LRBA: variants seen among roughly 807,000 people sequenced by gnomAD.
LRBA encodes the protein LPS responsive beige-like anchor protein.
LRBA carries 176 observed loss-of-function variants against 330.0 expected under a neutral mutation model. The observed-to-expected ratio is 0.53, with a 90% CI of 0.47 to 0.60. LRBA has a LOEUF of 0.60. Ranked by LOEUF, LRBA falls within the 20% of genes least tolerant of loss-of-function variation. The pLI, the probability that LRBA is intolerant of heterozygous loss-of-function variation, is 0.00. For synonymous variants in LRBA, 1,230 were observed against 1,193.0 expected (o/e 1.03, Z -0.64); for missense variants, 3,259 against 3,444.8 (o/e 0.95, Z 1.35).
intron 40 of LRBA, among the ~76,000 whole-genome samples, chr4:150,515,622 AAATGAAAT>A (rs1762260047): frequency 6.6e-6 from 1 of 152,178 alleles, no homozygotes; most frequent in Non-Finnish European, 1.5e-5. Context: ...AAGTTGTAAT[AAATGAAAT>A]AATAAAATGT....
chr4:150,322,126 C>T (rs1732598278), intron 49 of LRBA, among the ~76,000 whole-genome samples: 1 of 152,126 alleles, frequency 6.6e-6, no homozygotes, highest in South Asian at 2.1e-4. Flanking sequence ...GTTCCTCTTC[C>T]CTGTTGGTTA....
intron 35 of LRBA, among the ~76,000 whole-genome samples, chr4:150,739,567 G>A (rs895805168): frequency 5.9e-5 from 9 of 152,146 alleles, no homozygotes; most frequent in African/African-American, 2.2e-4. Context: ...GTGTAAGAAG[G>A]AGATGGGGCT....
intron 34 of LRBA, among the ~76,000 whole-genome samples, chr4:150,790,313 G>C (rs1261901153): frequency 6.6e-6 from 1 of 152,074 alleles, no homozygotes; most frequent in Non-Finnish European, 1.5e-5. Flanking sequence ...GAATCCATAG[G>C]ACGCCTGTAT....
chr4:150,394,895 C>T (rs11934033), intron 47 of LRBA, among the ~76,000 whole-genome samples: 33,153 of 152,074 alleles, frequency 0.22, 4,436 homozygotes, highest in Non-Finnish European at 0.31. Context: ...TGAATAAACA[C>T]TATTATATGC....
Position 150,559,866 on chromosome 4 carries a change from AATATATAATT to A in LRBA, c.6330+28172_6330+28181del, listed in dbSNP as rs1351512723. 1.6e-3 allele frequency among the ~76,000 whole-genome samples: 121 copies of A among 75,618 alleles called. 1 individual carries two copies. Among genetic ancestry groups the A allele is most frequent in the East Asian group, 4.8e-3 (13 of 2,704 alleles). 49.6% of individuals were successfully genotyped at this position (75,618 alleles called of 152,430 possible). A position where few individuals can be genotyped will look rare whatever the true frequency, so the allele number is the denominator to read the frequency against. On this transcript the variant is annotated intron_variant, in intron 40 of 56. Transcript: ENST00000651943. Reference sequence around the variant, plus strand: ...TATATAATAATATATAATTATATATAATATATAATTATATATAATTATATATAATTATATA... The same window carrying A: ...TATATAATAATATATAATTATATATAATATATAATTATATATAATTATATA...
At chr4:150,306,158 G>T (rs112349412) in intron 52 of LRBA, among the ~76,000 whole-genome samples, 3 of 152,266 alleles carry the variant, frequency 2.0e-5, no homozygotes, top group African/African-American at 4.8e-5. Flanking sequence ...ACTGCCAGGG[G>T]AAGGTTTTAT....
intron 36 of LRBA, among the ~76,000 whole-genome samples, chr4:150,709,691 T>A (rs925709168): frequency 1.3e-5 from 2 of 151,996 alleles, no homozygotes; most frequent in Non-Finnish European, 2.9e-5. Context: ...GTTCTTACCT[T>A]CATGAAGCAC....
At chr4:150,800,862 C>G (rs917889991) in intron 33 of LRBA, among the ~76,000 whole-genome samples, 1 of 152,080 alleles carries the variant, frequency 6.6e-6, no homozygotes, top group South Asian at 2.1e-4. Context: ...ACTCAGGATA[C>G]CAAGCCAAGA....
chr4:150,574,562 T>C (rs952193211), intron 40 of LRBA, among the ~76,000 whole-genome samples: 4 of 152,042 alleles, frequency 2.6e-5, no homozygotes, highest in Non-Finnish European at 5.9e-5. Context: ...TTGGGACTTT[T>C]TGTTTCCTAG....
At chr4:150,921,049 T>C in intron 5 of LRBA, 149 bp downstream of exon 5, 1 of 505,882 alleles carries the variant, frequency 2.0e-6, no homozygotes, top group East Asian at 3.1e-5. Context: ...TACAAAAAAG[T>C]AACATGCACG....
At chr4:150,585,389 T>C (rs913698225) in intron 40 of LRBA, among the ~76,000 whole-genome samples, 2 of 152,136 alleles carry the variant, frequency 1.3e-5, no homozygotes, top group Non-Finnish European at 2.9e-5. Context: ...ACAAAAAAGG[T>C]TTTCATACCA....
At chr4:150,617,853 C>A (rs1487349955) in intron 37 of LRBA, among the ~76,000 whole-genome samples, 1 of 152,078 alleles carries the variant, frequency 6.6e-6, no homozygotes, top group Non-Finnish European at 1.5e-5. Context: ...TGACTGAAAT[C>A]CCAGCACTTT....
intron 5 of LRBA, among the ~76,000 whole-genome samples, chr4:150,916,958 C>A (rs1261456696): frequency 6.6e-6 from 1 of 152,110 alleles, no homozygotes; most frequent in Non-Finnish European, 1.5e-5. Flanking sequence ...TTGAGACCAT[C>A]CTGGCTAACA....
At chr4:151,006,911 TA>T (rs1744131309) in intron 2 of LRBA, among the ~76,000 whole-genome samples, 1 of 152,174 alleles carries the variant, frequency 6.6e-6, no homozygotes, top group African/African-American at 2.4e-5. Flanking sequence ...TGATAGCTAG[TA>T]AAATCCCAGC....
intron 47 of LRBA, among the ~76,000 whole-genome samples, chr4:150,400,920 T>C (rs191238080): frequency 6.6e-6 from 1 of 152,288 alleles, no homozygotes; most frequent in Admixed American, 6.5e-5. Flanking sequence ...TTGAGCTGTG[T>C]CCCCTCCAAC....
At chr4:150,953,148 T>C (rs1004314122) in intron 2 of LRBA, among the ~76,000 whole-genome samples, 2 of 152,164 alleles carry the variant, frequency 1.3e-5, no homozygotes, top group Admixed American at 6.5e-5. Flanking sequence ...CAAAATAACA[T>C]GCTAACTAAA....
At chr4:150,880,781 C>T (rs1182900077) in intron 17 of LRBA, among the ~76,000 whole-genome samples, 3 of 152,080 alleles carry the variant, frequency 2.0e-5, no homozygotes, top group Non-Finnish European at 2.9e-5. Flanking sequence ...AAAATACTGA[C>T]AAACTGTGCA....
At chr4:150,953,513 A>T (rs1383197616) in intron 2 of LRBA, among the ~76,000 whole-genome samples, 2 of 151,760 alleles carry the variant, frequency 1.3e-5, no homozygotes, top group African/African-American at 4.8e-5. Flanking sequence ...GCAGGTGCGC[A>T]CCGCCACACC....
chr4:150,566,980 T>G (rs190785234), intron 40 of LRBA, among the ~76,000 whole-genome samples: 9 of 152,258 alleles, frequency 5.9e-5, no homozygotes, highest in Middle Eastern at 3.4e-3. Flanking sequence ...TTCCTAAGTA[T>G]AAAATATGCA....
Sources: gnomAD v4.1 joint callset for allele counts (sites outside exome capture counted in the v4.1 genomes callset) on GRCh38, gnomAD v4.1.1 for gene constraint, MANE v1.5 for transcripts, NCBI Gene and HGNC (gene_info 2026-07-23, HGNC 2026-07-21) for gene names.